The following TJP1 variants were observed in gnomAD, a reference collection of about 807,000 sequenced individuals.
TJP1 encodes the protein tight junction protein ZO-1.
TJP1 carries 43 observed loss-of-function variants against 194.2 expected under a neutral mutation model. The observed-to-expected ratio is 0.22, with a 90% CI of 0.17 to 0.29. The LOEUF is 0.29. TJP1 is among the 10% of genes least tolerant of loss of function. The probability of loss-of-function intolerance (pLI) is 1.00; values close to 1 mark genes in which losing one functional copy is unlikely to be tolerated. For synonymous variants in TJP1, 801 were observed against 779.0 expected (o/e 1.03, Z -0.47); for missense variants, 1,971 against 2,185.7 (o/e 0.90, Z 1.96).
intron 2 of TJP1, among the ~76,000 whole-genome samples, chr15:29,916,218 C>T (rs1035927218): frequency 3.6e-5 from 5 of 139,340 alleles, no homozygotes; most frequent in South Asian, 2.3e-4. Flanking sequence ...CCAGCCTGTG[C>T]GACAAGAGCA....
chr15:29,872,044 T>C (rs917469325), intron 2 of TJP1, among the ~76,000 whole-genome samples: 11 of 152,160 alleles, frequency 7.2e-5, no homozygotes, highest in African/African-American at 2.7e-4. Context: ...GCCAGGCATT[T>C]ACACAGGGTG....
chr15:29,754,778 T>G (rs1182259199), intron 8 of TJP1, among the ~76,000 whole-genome samples: 1 of 152,202 alleles, frequency 6.6e-6, no homozygotes, highest in Non-Finnish European at 1.5e-5. Flanking sequence ...GCATTTCCCT[T>G]GAGCGTCATG....
At chr15:29,740,090 C>A (rs1438085246) in intron 10 of TJP1, among the ~76,000 whole-genome samples, 8 of 151,936 alleles carry the variant, frequency 5.3e-5, no homozygotes, top group African/African-American at 1.9e-4. Context: ...TGGGTTCACG[C>A]CATTCTCCTG....
chr15:29,731,026 T>C, intron 15 of TJP1: 1 of 1,071,100 alleles, frequency 9.3e-7, no homozygotes, highest in South Asian at 1.2e-5. Context: ...CTGGTGACTG[T>C]ACAGTTTGAA....
chr15:29,908,259 C>T lies in TJP1; in HGVS notation c.306+47973G>A, dbSNP rs575154472. Among the ~76,000 whole-genome samples, 5 of 151,986 alleles carry T rather than the reference C, an allele frequency of 3.3e-5. No homozygotes were observed. In the South Asian group the frequency reaches 1.0e-3, roughly 32 times the overall value. ...ACCTATTCCATGGACATCAGAACAC[C>T]AGGGATAAAGAGAAGAGCCTAAAAG... On this transcript the variant is annotated intron_variant, in intron 2 of 28. Transcript: ENST00000356107.
At chr15:29,810,038 C>A (rs2049383620) in intron 1 of TJP1, among the ~76,000 whole-genome samples, 1 of 152,144 alleles carries the variant, frequency 6.6e-6, no homozygotes, top group Non-Finnish European at 1.5e-5. Context: ...CAGGGTGAAC[C>A]ATCCAAAATC....
intron 2 of TJP1, among the ~76,000 whole-genome samples, chr15:29,886,957 A>C (rs2053134372): frequency 6.6e-6 from 1 of 152,124 alleles, no homozygotes; most frequent in Non-Finnish European, 1.5e-5. Flanking sequence ...TTTGCAGAAG[A>C]GTCCTGCAGG....
chr15:29,737,184 A>C (rs1476133577), intron 11 of TJP1, 80 bp downstream of exon 11: 2 of 1,513,254 alleles, frequency 1.3e-6, no homozygotes, highest in Non-Finnish European at 1.8e-6. Context: ...ATCTAATTAC[A>C]ATAGTAAGCT....
At chr15:29,948,423 C>T (rs1176860634) in intron 2 of TJP1, among the ~76,000 whole-genome samples, 1 of 152,080 alleles carries the variant, frequency 6.6e-6, no homozygotes, top group Admixed American at 6.5e-5. Flanking sequence ...CAGACTTTTC[C>T]TTTGGTCAAA....
intron 2 of TJP1, among the ~76,000 whole-genome samples, chr15:29,860,806 C>A (rs2052050956): frequency 6.6e-6 from 1 of 152,150 alleles, no homozygotes; most frequent in African/African-American, 2.4e-5. Flanking sequence ...TTTATGGCAA[C>A]CCTGTATCTA....
chr15:29,939,469 A>C (rs1355618084), intron 2 of TJP1, among the ~76,000 whole-genome samples: 1 of 151,822 alleles, frequency 6.6e-6, no homozygotes, highest in Non-Finnish European at 1.5e-5. Context: ...CAGAGCCTAC[A>C]CCTGATTTAC....
intron 2 of TJP1, among the ~76,000 whole-genome samples, chr15:29,791,021 T>C (rs939328855): frequency 3.9e-5 from 6 of 152,010 alleles, no homozygotes; most frequent in African/African-American, 1.5e-4. Context: ...AGTTATCCCT[T>C]TGATATACTC....
At chr15:29,841,420 G>A (rs962792070) in intron 2 of TJP1, among the ~76,000 whole-genome samples, 5 of 152,146 alleles carry the variant, frequency 3.3e-5, no homozygotes, top group Admixed American at 3.3e-4. Context: ...TCATTAAAAG[G>A]AGGCCCACCC....
intron 2 of TJP1, among the ~76,000 whole-genome samples, chr15:29,930,273 A>G (rs554175882): frequency 6.6e-6 from 1 of 152,330 alleles, no homozygotes; most frequent in South Asian, 2.1e-4. Flanking sequence ...CCAAAAACCA[A>G]GCCAAACAAG....
chr15:29,823,230 C>A (rs1053283469), upstream of TJP1: 1 of 152,200 alleles, frequency 6.6e-6, no homozygotes, highest in Non-Finnish European at 1.5e-5. Context: ...GTCAAGCTGC[C>A]CTGCATTCCA....
Position 29,862,899 on chromosome 15 carries a change from C to T in TJP1, c.307-62197G>A, listed in dbSNP as rs1479806754. 2.6e-5 allele frequency among the ~76,000 whole-genome samples: 4 copies of T among 151,414 alleles called. No individual in the cohort carries two copies. In the South Asian group the frequency reaches 6.3e-4, roughly 24 times the overall value. On this transcript the variant is annotated intron_variant, in intron 2 of 28. Transcript: ENST00000356107. Reference sequence around the variant, plus strand: ...TCCTGACTTCGTGATCCGCCCGCCTCGGCCTCCCAAAGTACTGGGATTACA... The same window carrying T: ...TCCTGACTTCGTGATCCGCCCGCCTTGGCCTCCCAAAGTACTGGGATTACA...
At chr15:29,791,945 T>G (rs1015330354) in intron 2 of TJP1, among the ~76,000 whole-genome samples, 4 of 152,170 alleles carry the variant, frequency 2.6e-5, no homozygotes, top group African/African-American at 9.7e-5. Flanking sequence ...TCAGCTCTTG[T>G]GCTTCAGATC....
At chr15:29,765,062 A>C (rs902569992) in intron 5 of TJP1, among the ~76,000 whole-genome samples, 1 of 152,126 alleles carries the variant, frequency 6.6e-6, no homozygotes, top group Non-Finnish European at 1.5e-5. Flanking sequence ...AAGGTGGGGG[A>C]AAAAAACAGA....
chr15:29,764,907 G>A (rs1301405081), intron 5 of TJP1, among the ~76,000 whole-genome samples: 1 of 152,052 alleles, frequency 6.6e-6, no homozygotes, highest in East Asian at 1.9e-4. Flanking sequence ...CAGGGGAGCA[G>A]ATGAGATTGC....
Sources: gnomAD v4.1 joint callset for allele counts (sites outside exome capture counted in the v4.1 genomes callset) on GRCh38, gnomAD v4.1.1 for gene constraint, MANE v1.5 for transcripts, NCBI Gene and HGNC (gene_info 2026-07-23, HGNC 2026-07-21) for gene names.